The following OTUD7A variants were observed in gnomAD, a reference collection of about 807,000 sequenced individuals.
OTUD7A encodes the protein OTU deubiquitinase 7A.
OTUD7A carries 12 observed loss-of-function variants against 65.7 expected under a neutral mutation model. The ratio of observed to expected loss-of-function variants is 0.18; its 90% confidence interval spans 0.12 to 0.30. The LOEUF is 0.30. Among genes scored for constraint, OTUD7A ranks in the 10% least tolerant of loss-of-function variants. The pLI is 1.00. For missense variants in OTUD7A, 1,148 were observed against 1,304.8 expected (o/e 0.88, Z 1.85); for synonymous variants, 641 against 586.3 (o/e 1.09, Z -1.35).
intron 1 of OTUD7A, among the ~76,000 whole-genome samples, chr15:31,829,466 T>G (rs1896878727): frequency 6.6e-6 from 1 of 152,174 alleles, no homozygotes; most frequent in African/African-American, 2.4e-5. Flanking sequence ...GGGTGAAAGC[T>G]CCAGGAAGTG....
intron 3 of OTUD7A, among the ~76,000 whole-genome samples, chr15:31,635,165 C>T (rs1451200723): frequency 6.6e-6 from 1 of 152,170 alleles, no homozygotes; most frequent in African/African-American, 2.4e-5. Context: ...CATAGTCCTT[C>T]TTGGCAAGTT....
At chr15:31,739,033 C>T (rs914445065) in intron 1 of OTUD7A, among the ~76,000 whole-genome samples, 5 of 79,908 alleles carry the variant, frequency 6.3e-5, no homozygotes, top group African/African-American at 8.7e-5. Flanking sequence ...AGAAAGGCCA[C>T]GGTCTTATGA....
chr15:31,659,731 C>T (rs1353272566), intron 1 of OTUD7A, among the ~76,000 whole-genome samples: 1 of 152,112 alleles, frequency 6.6e-6, no homozygotes, highest in Non-Finnish European at 1.5e-5. Context: ...AGCCTGACCT[C>T]AGAGAGGGCC....
intron 1 of OTUD7A, among the ~76,000 whole-genome samples, chr15:31,813,382 G>A (rs930160925): frequency 6.6e-6 from 1 of 152,160 alleles, no homozygotes; most frequent in African/African-American, 2.4e-5. Context: ...AGTGTCTTAG[G>A]TCACGATGAT....
At chr15:31,818,909 A>G (rs1482285897) in intron 1 of OTUD7A, among the ~76,000 whole-genome samples, 2 of 152,166 alleles carry the variant, frequency 1.3e-5, no homozygotes, top group Non-Finnish European at 1.5e-5. Context: ...AGCATCTTTC[A>G]GGGCAGGTCC....
intron 1 of OTUD7A, among the ~76,000 whole-genome samples, chr15:31,836,534 C>T (rs1416757652): frequency 6.6e-6 from 1 of 152,040 alleles, no homozygotes; most frequent in African/African-American, 2.4e-5. Context: ...TTTTAAGATA[C>T]CAAAGAGAGT....
chr15:31,737,188 A>G (rs762787891), intron 1 of OTUD7A, among the ~76,000 whole-genome samples: 15 of 152,234 alleles, frequency 9.9e-5, no homozygotes, highest in Non-Finnish European at 1.9e-4. Context: ...ATGTTTCTTA[A>G]TATGGCAAAA....
At chr15:31,792,518 T>C (rs1895844400) in intron 1 of OTUD7A, among the ~76,000 whole-genome samples, 1 of 152,186 alleles carries the variant, frequency 6.6e-6, no homozygotes, top group African/African-American at 2.4e-5. Flanking sequence ...CACTCAGTCC[T>C]AAGCTGGAGC....
At chr15:31,732,233 T>C (rs1333522233) in intron 1 of OTUD7A, among the ~76,000 whole-genome samples, 1 of 152,208 alleles carries the variant, frequency 6.6e-6, no homozygotes, top group African/African-American at 2.4e-5. Context: ...AGAAACCATG[T>C]AGATGCATTC....
At chr15:31,849,246 C>T (rs1020648919) in intron 1 of OTUD7A, among the ~76,000 whole-genome samples, 4 of 152,126 alleles carry the variant, frequency 2.6e-5, no homozygotes, top group Non-Finnish European at 5.9e-5. Context: ...AGAAATAATA[C>T]CACACATCTA....
At chr15:31,841,254 A>G (rs1595807128) in intron 1 of OTUD7A, among the ~76,000 whole-genome samples, 1 of 152,212 alleles carries the variant, frequency 6.6e-6, no homozygotes, top group South Asian at 2.1e-4. Flanking sequence ...ACCCAGGACC[A>G]GAAGATACTG....
intron 3 of OTUD7A, among the ~76,000 whole-genome samples, chr15:31,629,776 T>TA (rs2141247733): frequency 6.6e-6 from 1 of 152,368 alleles, no homozygotes; most frequent in African/African-American, 2.4e-5. Flanking sequence ...CAGAGCTCGT[T>TA]ATTGGTCTAT....
At position 31,480,871 on chromosome 15, in the gene OTUD7A, G is replaced by A. The variant is rs1342181763; in HGVS notation, c.*2423C>T. 6.6e-6 allele frequency: 1 copy of A among 152,268 alleles called. No individual in the cohort carries two copies. Among genetic ancestry groups the A allele is most frequent in the Non-Finnish European group, 1.5e-5 (1 of 68,052 alleles). 9.4% of individuals were successfully genotyped at this position (152,268 alleles called of 1,614,324 possible). A position where few individuals can be genotyped will look rare whatever the true frequency, so the allele number is the denominator to read the frequency against. On this transcript the variant is annotated 3_prime_UTR_variant, in exon 13 of 13. Transcript: ENST00000307050. The stretch of plus-strand genomic sequence containing the variant: ...TGGCGCCTCGTTACCACATTGAGAA[G>A]CTGGGGTGCAGGATGCAGCCAGTGG...
chr15:31,489,969 C>T (rs561382537), intron 10 of OTUD7A, among the ~76,000 whole-genome samples: 12 of 152,330 alleles, frequency 7.9e-5, no homozygotes, highest in Non-Finnish European at 1.5e-4. Flanking sequence ...AGAGGCTCTA[C>T]GGACATGCCT....
At chr15:31,674,393 T>C (rs74012568) in intron 1 of OTUD7A, among the ~76,000 whole-genome samples, 6,882 of 152,244 alleles carry the variant, frequency 0.045, 527 homozygotes, top group African/African-American at 0.16. Flanking sequence ...AGGAATGACA[T>C]GCTTTAGGAA....
chr15:31,716,066 T>C (rs1229150262), intron 1 of OTUD7A, among the ~76,000 whole-genome samples: 1 of 106,376 alleles, frequency 9.4e-6, no homozygotes, highest in African/African-American at 3.0e-5. Flanking sequence ...TAATTTATAA[T>C]ATAAATATAA....
intron 8 of OTUD7A, 89 bp downstream of exon 8, chr15:31,526,260 C>G: frequency 8.1e-7 from 1 of 1,233,018 alleles, no homozygotes; most frequent in Non-Finnish European, 1.1e-6. Context: ...GTCCCACATT[C>G]CCCCCCGTGC....
chr15:31,717,977 A>G (rs1893636238), intron 1 of OTUD7A, among the ~76,000 whole-genome samples: 1 of 152,178 alleles, frequency 6.6e-6, no homozygotes, highest in African/African-American at 2.4e-5. Context: ...TCAGTCTATC[A>G]TTCTGCAACC....
intron 3 of OTUD7A, among the ~76,000 whole-genome samples, chr15:31,625,520 C>G (rs963941950): frequency 6.6e-6 from 1 of 151,794 alleles, no homozygotes; most frequent in Non-Finnish European, 1.5e-5. Flanking sequence ...GCAAGCAGGA[C>G]TCTCGTATGT....
Sources: gnomAD v4.1 joint callset for allele counts (sites outside exome capture counted in the v4.1 genomes callset) on GRCh38, gnomAD v4.1.1 for gene constraint, MANE v1.5 for transcripts, NCBI Gene and HGNC (gene_info 2026-07-23, HGNC 2026-07-21) for gene names.